NPC1: variants seen among roughly 807,000 people sequenced by gnomAD.
NPC1 encodes the protein NPC intracellular cholesterol transporter 1.
A neutral mutation model predicts 140.4 loss-of-function variants in NPC1; 85 were observed. That is an observed-to-expected ratio of 0.61 (90% confidence interval 0.51 to 0.72). NPC1 has a LOEUF of 0.72. Among genes scored for constraint, NPC1 ranks in the 30% least tolerant of loss-of-function variants. The pLI is 0.00. For missense variants in NPC1, 1,504 were observed against 1,623.8 expected (o/e 0.93, Z 1.27); for synonymous variants, 656 against 624.8 (o/e 1.05, Z -0.74).
At chr18:23,551,790 C>T in intron 9 of NPC1, 63 bp from the exon 10 acceptor site, 2 of 1,078,472 alleles carry the variant, frequency 1.9e-6, no homozygotes, top group African/African-American at 1.5e-5. Flanking sequence ...GGGACCTAAA[C>T]ATTTACACAG....
chr18:23,570,351 T>C (rs952215075), intron 3 of NPC1, among the ~76,000 whole-genome samples: 1 of 152,230 alleles, frequency 6.6e-6, no homozygotes, highest in Non-Finnish European at 1.5e-5. Context: ...CGTATGTCCA[T>C]AATGCCTCAC....
At chr18:23,507,587 C>T (rs1366615472) in intron 3 of NPC1, among the ~76,000 whole-genome samples, 2 of 152,082 alleles carry the variant, frequency 1.3e-5, no homozygotes, top group Non-Finnish European at 2.9e-5. Context: ...TTCACCATTG[C>T]CGTTTGTAGA....
chr18:23,571,750 A>T (rs187906251), intron 3 of NPC1, among the ~76,000 whole-genome samples: 362 of 152,026 alleles, frequency 2.4e-3, no homozygotes, highest in Non-Finnish European at 2.8e-3. Context: ...AAGGTAGAAC[A>T]ATCACTGGAG....
chr18:23,539,604 C>A (rs1436979345), intron 18 of NPC1, 134 bp from the exon 19 acceptor site: 2 of 794,438 alleles, frequency 2.5e-6, no homozygotes, highest in East Asian at 2.7e-5. Flanking sequence ...TACATGAGCA[C>A]TTAATGAAAA....
At chr18:23,524,660 A>G (rs2058241409), downstream of NPC1, among the ~76,000 whole-genome samples, 1 of 151,906 alleles carries the variant, frequency 6.6e-6, no homozygotes, top group Non-Finnish European at 1.5e-5. Flanking sequence ...CATTTTATCA[A>G]GAACATATAC....
chr18:23,518,921 C>T, downstream of NPC1: 1 of 1,614,122 alleles, frequency 6.2e-7, no homozygotes, highest in Non-Finnish European at 8.5e-7. Context: ...CTTCTTGAGG[C>T]ATCATTCTCG....
chr18:23,585,505 A>G (rs1281122082), intron 1 of NPC1, among the ~76,000 whole-genome samples: 1 of 152,168 alleles, frequency 6.6e-6, no homozygotes, highest in Non-Finnish European at 1.5e-5. Context: ...CAAGGACACA[A>G]TTCCCCGGAG....
intron 1 of NPC1, among the ~76,000 whole-genome samples, chr18:23,579,646 T>G (rs2059333483): frequency 6.6e-6 from 1 of 152,018 alleles, no homozygotes; most frequent in African/African-American, 2.4e-5. Context: ...ATCCCAGCAC[T>G]TTGGGAGGCC....
Position 23,576,421 on chromosome 18 carries a change from C to CA in NPC1, c.58-2848dup, listed in dbSNP as rs1043687261. ...TGGACAACAAAGTGAAAACTGGTCTCAAAAAAAAAGTCATCCTGCCGAAAG... is the reference window on the plus strand; with the variant it reads ...TGGACAACAAAGTGAAAACTGGTCTCAAAAAAAAAAGTCATCCTGCCGAAAG... On this transcript the variant is annotated intron_variant, in intron 1 of 24. Transcript: ENST00000269228. The CA allele has an allele frequency of 3.4e-4, 323 of 945,812 alleles. 1 individual carries two copies. The highest frequency in any genetic ancestry group is 4.4e-4 in the South Asian group (9 of 20,386). The allele number at this position is 945,812 out of a possible 1,614,324, so 58.6% of individuals were successfully genotyped here.
chr18:23,517,390 T>A (rs865839119), downstream of NPC1, among the ~76,000 whole-genome samples: 1 of 152,100 alleles, frequency 6.6e-6, no homozygotes, highest in Middle Eastern at 3.2e-3. Context: ...CCTCTTGATC[T>A]GCCCTCCTCA....
At chr18:23,526,510 A>G (rs2058301663), downstream of NPC1, 1 of 1,116,210 alleles carries the variant, frequency 9.0e-7, no homozygotes, top group Non-Finnish European at 1.3e-6. Flanking sequence ...GAAAAGCTAC[A>G]CTGACTGTAC....
intron 24 of NPC1, chr18:23,532,995 G>A: frequency 1.0e-6 from 1 of 961,964 alleles, no homozygotes. Context: ...AAGCTGTTCT[G>A]CAGCACTGCT....
At chr18:23,520,519 T>C (rs1008961218), downstream of NPC1, among the ~76,000 whole-genome samples, 1 of 152,202 alleles carries the variant, frequency 6.6e-6, no homozygotes, top group Non-Finnish European at 1.5e-5. Context: ...GTAGGTAGTG[T>C]CGTGATCTTG....
intron 1 of NPC1, among the ~76,000 whole-genome samples, chr18:23,580,492 T>C (rs751802188): frequency 2.6e-5 from 4 of 152,200 alleles, no homozygotes; most frequent in Non-Finnish European, 5.9e-5. Flanking sequence ...CTCTAGGCAG[T>C]TGTCAAGCAA....
Position 23,535,510 on chromosome 18 carries a change from C to G in NPC1, c.3436G>C (p.Gly1146Arg). 6.2e-7 allele frequency: 1 copy of G among 1,613,828 alleles called. No homozygotes were observed. Among genetic ancestry groups the G allele is most frequent in the Non-Finnish European group, 8.5e-7 (1 of 1,179,886 alleles). Residue 1146 changes from glycine to arginine, a missense_variant, in exon 22 of 25, where the codon GGC becomes CGC. Coordinates refer to ENST00000269228, the MANE Select transcript of NPC1 (RefSeq NM_000271.5). ...VNMFGVMWLW[G>R]ISLNAVSLVN... ...AAGGATACAGCGTTCAGACTGATGC[C>G]CCAGAGCCACATAACTCCAAACATG...
chr18:23,545,368 G>C (rs1192443886), intron 11 of NPC1, among the ~76,000 whole-genome samples: 1 of 152,144 alleles, frequency 6.6e-6, no homozygotes, highest in Non-Finnish European at 1.5e-5. Context: ...CCAGCCTCCT[G>C]AGTAGCTGGG....
chr18:23,529,765 A>T (rs1304662179), downstream of NPC1: 1 of 1,528,084 alleles, frequency 6.5e-7, no homozygotes, highest in Non-Finnish European at 9.0e-7. Flanking sequence ...TTAAAAAAAA[A>T]ACACAGTCAC....
intron 3 of NPC1, among the ~76,000 whole-genome samples, chr18:23,571,008 G>A (rs891396000): frequency 6.6e-6 from 1 of 152,126 alleles, no homozygotes; most frequent in Admixed American, 6.5e-5. Flanking sequence ...CCAGGCACCT[G>A]AGCAGGACCC....
chr18:23,532,634 C>CT (rs1357883208), intron 24 of NPC1, among the ~76,000 whole-genome samples: 1 of 150,928 alleles, frequency 6.6e-6, no homozygotes, highest in Non-Finnish European at 1.5e-5. Context: ...GGAGGCCTCA[C>CT]TATGTTGCCT....
Sources: gnomAD v4.1 joint callset for allele counts (sites outside exome capture counted in the v4.1 genomes callset) on GRCh38, gnomAD v4.1.1 for gene constraint, MANE v1.5 for transcripts, NCBI Gene and HGNC (gene_info 2026-07-23, HGNC 2026-07-21) for gene names.